DNAH14: variants seen among roughly 807,000 people sequenced by gnomAD.
The protein encoded by DNAH14 is dynein axonemal heavy chain 14, also known as axonemal beta dynein heavy chain 14.
In DNAH14, 478 loss-of-function variants were observed where a neutral mutation model predicts 520.9. That is an observed-to-expected ratio of 0.92 (90% CI 0.85 to 0.99). DNAH14 has a LOEUF of 0.99. Among genes scored for constraint, DNAH14 ranks in the 50% least tolerant of loss-of-function variants. DNAH14 has a pLI of 0.00. For synonymous variants in DNAH14, 1,581 were observed against 1,757.2 expected (o/e 0.90, Z 2.51); for missense variants, 4,831 against 5,234.5 (o/e 0.92, Z 2.38).
At chr1:225,129,419 A>G (rs2078134900) in intron 27 of DNAH14, among the ~76,000 whole-genome samples, 1 of 150,300 alleles carries the variant, frequency 6.7e-6, no homozygotes, top group Non-Finnish European at 1.5e-5. Context: ...TTCAAACTAT[A>G]CTACAAGGCT....
chr1:225,269,527 TC>T (rs2093243619), intron 49 of DNAH14, among the ~76,000 whole-genome samples: 1 of 152,078 alleles, frequency 6.6e-6, no homozygotes, highest in African/African-American at 2.4e-5. Context: ...GAAACTACCA[TC>T]AGAGTGAACA....
intron 21 of DNAH14, 56 bp from the exon 22 acceptor site, chr1:225,097,062 T>G (rs1295434372): frequency 7.8e-6 from 11 of 1,416,622 alleles, no homozygotes; most frequent in Admixed American, 7.5e-5. Context: ...ATGTAACTCT[T>G]AAAGAATAAT....
At chr1:225,194,636 C>T (rs547176802) in intron 38 of DNAH14, among the ~76,000 whole-genome samples, 1 of 151,900 alleles carries the variant, frequency 6.6e-6, no homozygotes, top group Non-Finnish European at 1.5e-5. Context: ...ATGAAGACAC[C>T]AAAAGCAATT....
intron 15 of DNAH14, among the ~76,000 whole-genome samples, chr1:225,045,576 G>A (rs2067884163): frequency 6.6e-6 from 1 of 152,006 alleles, no homozygotes; most frequent in African/African-American, 2.4e-5. Flanking sequence ...TTATGACCTT[G>A]AGATACTGGT....
intron 17 of DNAH14, among the ~76,000 whole-genome samples, chr1:225,065,930 A>G (rs528683784): frequency 8.0e-4 from 122 of 152,156 alleles, no homozygotes; most frequent in African/African-American, 2.9e-3. Flanking sequence ...TTTTTTGAGG[A>G]ACCTCCATAC....
intron 33 of DNAH14, among the ~76,000 whole-genome samples, chr1:225,153,480 A>G (rs932247528): frequency 6.6e-6 from 1 of 152,116 alleles, no homozygotes; most frequent in Non-Finnish European, 1.5e-5. Context: ...CTTTCAATTT[A>G]TCTCATTCTA....
intron 31 of DNAH14, among the ~76,000 whole-genome samples, chr1:225,149,084 G>T (rs922851491): frequency 6.6e-6 from 1 of 151,958 alleles, no homozygotes; most frequent in Non-Finnish European, 1.5e-5. Flanking sequence ...TTATAGTTTT[G>T]GGTTTTACAT....
At chr1:225,294,836 A>AT (rs60276994) in intron 55 of DNAH14, among the ~76,000 whole-genome samples, 83,777 of 150,762 alleles carry the variant, frequency 0.56, 23,769 homozygotes, top group East Asian at 0.83. Context: ...AAAAAAAAAA[A>AT]AGTTGGTAGA....
chr1:225,237,201 T>C (rs975202172), intron 42 of DNAH14, among the ~76,000 whole-genome samples: 1 of 152,188 alleles, frequency 6.6e-6, no homozygotes, highest in African/African-American at 2.4e-5. Context: ...TGTGGTTGTT[T>C]CATAGTGTCA....
rs1302330672 is a variant in DNAH14, at chr1:225,392,529, C to T, written c.13491+78C>T. The T allele has an allele frequency of 4.0e-6, 6 of 1,507,910 alleles. No individual in the cohort carries two copies. The African/African-American group carries it at 8.3e-5, about 21-fold the overall frequency. The allele number at this position is 1,507,910 out of a possible 1,614,324, so 93.4% of individuals were successfully genotyped here. A position where few individuals can be genotyped will look rare whatever the true frequency, so the allele number is the denominator to read the frequency against. On this transcript the variant is annotated intron_variant, in intron 84 of 85. Transcript: ENST00000682510. ...TTCATTCAATCAATTGTGCCCTTTA[C>T]AAACCTTTACTCAGCACTTACCACA...
At position 224,978,292 on chromosome 1, in the gene DNAH14, T is replaced by C. The variant is rs539610925; in HGVS notation, c.830+4139T>C. Among the ~76,000 whole-genome samples, 3 of 152,294 alleles carry C rather than the reference T, an allele frequency of 2.0e-5. No individual in the cohort carries two copies. The East Asian group carries it at 5.8e-4, about 29-fold the overall frequency. Reference sequence around the variant, plus strand: ...CATCAACAGATGAATGAAGACAATGTATATATACACAAAATAGAATACTAT... The same window carrying C: ...CATCAACAGATGAATGAAGACAATGCATATATACACAAAATAGAATACTAT... On this transcript the variant is annotated intron_variant, in intron 8 of 85. Coordinates refer to ENST00000682510, the MANE Select transcript of DNAH14 (RefSeq NM_001367479.1).
At chr1:224,944,785 G>A (rs1182840942) in intron 1 of DNAH14, among the ~76,000 whole-genome samples, 4 of 152,158 alleles carry the variant, frequency 2.6e-5, no homozygotes, top group Non-Finnish European at 4.4e-5. Flanking sequence ...ATTCTGGGTT[G>A]AAAATTCTTT....
chr1:224,941,235 A>C (rs7365610), intron 1 of DNAH14, among the ~76,000 whole-genome samples: 99,815 of 150,894 alleles, frequency 0.66, 34,582 homozygotes, highest in African/African-American at 0.87. Flanking sequence ...ATGGTATCTC[A>C]TTGTGGTTTT....
chr1:225,339,141 C>CA lies in DNAH14; in HGVS notation c.10433+979dup, dbSNP rs5781399. ...GTGAAACTCCTGTCTCAATGAAATACAAAAAAAAAAAAAAAAAAAATTAGC... is the reference window on the plus strand; with the variant it reads ...GTGAAACTCCTGTCTCAATGAAATACAAAAAAAAAAAAAAAAAAAAATTAGC... On this transcript the variant is annotated intron_variant, in intron 68 of 85. Coordinates refer to ENST00000682510, the MANE Select transcript of DNAH14 (RefSeq NM_001367479.1). 5.1e-3 allele frequency among the ~76,000 whole-genome samples: 673 copies of CA among 131,452 alleles called. 6 individuals carry two copies. The highest frequency in any genetic ancestry group is 0.018 in the African/African-American group (590 of 32,292). The allele number at this position is 131,452 out of a possible 152,430, so 86.2% of individuals were successfully genotyped here.
Position 225,307,558 on chromosome 1 carries a change from C to G in DNAH14, c.9103C>G (p.Gln3035Glu). ...CTTGATTCTTGGCCCTCAAGTAGAA[C>G]AAAAAACAAAGGTATGTTTGCTTTG... ...ELLILGPQVE[Q>E]KTKETETLME... Residue 3035 changes from glutamine (Q) to glutamate (E), a missense_variant, in exon 59 of 86, where the codon CAA (glutamine) becomes GAA (glutamate). Coordinates refer to ENST00000682510, the MANE Select transcript of DNAH14 (RefSeq NM_001367479.1). 1 of 1,534,036 alleles carries G rather than the reference C, an allele frequency of 6.5e-7. No individual in the cohort carries two copies. Among genetic ancestry groups the G allele is most frequent in the Non-Finnish European group, 8.8e-7 (1 of 1,141,998 alleles).
At chr1:224,941,799 G>C (rs2059437724) in intron 1 of DNAH14, among the ~76,000 whole-genome samples, 1 of 152,152 alleles carries the variant, frequency 6.6e-6, no homozygotes, top group Non-Finnish European at 1.5e-5. Flanking sequence ...TGTCAGGTTT[G>C]TCAAAGATCA....
At chr1:225,358,306 T>C (rs1413965910) in intron 73 of DNAH14, among the ~76,000 whole-genome samples, 190 bp from the exon 74 acceptor site, 3 of 152,184 alleles carry the variant, frequency 2.0e-5, no homozygotes, top group Non-Finnish European at 4.4e-5. Context: ...AAGGGCCACA[T>C]GATGGCCACA....
intron 17 of DNAH14, among the ~76,000 whole-genome samples, chr1:225,066,651 C>T (rs941718010): frequency 6.6e-6 from 1 of 151,864 alleles, no homozygotes; most frequent in African/African-American, 2.4e-5. Flanking sequence ...ACACCCCCCT[C>T]CCACCCTTCC....
intron 11 of DNAH14, among the ~76,000 whole-genome samples, chr1:225,037,218 T>C (rs548814102): frequency 5.3e-5 from 8 of 152,310 alleles, no homozygotes; most frequent in Non-Finnish European, 1.2e-4. Flanking sequence ...TTTACATCCA[T>C]TCTTATTATT....
Sources: allele counts gnomAD v4.1 joint callset (sites outside exome capture counted in the v4.1 genomes callset), GRCh38; gene constraint gnomAD v4.1.1; transcripts MANE v1.5; gene names NCBI Gene and HGNC (gene_info 2026-07-23, HGNC 2026-07-21).